DENND2A: variants seen among roughly 807,000 people sequenced by gnomAD.
DENND2A encodes DENN domain-containing protein 2A.
Under a neutral mutation model 105.3 loss-of-function variants are expected in DENND2A, and 53 were observed. That is an observed-to-expected ratio of 0.50 (90% CI 0.40 to 0.63). The LOEUF is 0.63. Ranked by LOEUF, DENND2A falls within the 30% of genes least tolerant of loss-of-function variation. The pLI, the probability that DENND2A is intolerant of heterozygous loss-of-function variation, is 0.00. For synonymous variants in DENND2A, 522 were observed against 508.4 expected, an observed-to-expected ratio of 1.03 and a Z score of -0.36; for missense variants, 1,138 against 1,279.6, an observed-to-expected ratio of 0.89 and a Z score of 1.69.
At chr7:140,600,098 C>G (rs1439860226) in intron 3 of DENND2A, among the ~76,000 whole-genome samples, 1 of 151,878 alleles carries the variant, frequency 6.6e-6, no homozygotes, top group Non-Finnish European at 1.5e-5. Context: ...AGGTTTGTGG[C>G]CTAAGCAACT....
intron 5 of DENND2A, among the ~76,000 whole-genome samples, chr7:140,580,030 A>G (rs1012286337): frequency 6.6e-6 from 1 of 152,096 alleles, no homozygotes. Flanking sequence ...GCTACTTGGG[A>G]AACTGAGACA....
chr7:140,584,830 A>G (rs1053542435), intron 5 of DENND2A, among the ~76,000 whole-genome samples: 1 of 152,114 alleles, frequency 6.6e-6, no homozygotes, highest in Non-Finnish European at 1.5e-5. Flanking sequence ...ATCTTTATAT[A>G]TATGCATGTT....
intron 3 of DENND2A, among the ~76,000 whole-genome samples, chr7:140,597,547 T>C (rs1799328442): frequency 6.6e-6 from 1 of 152,190 alleles, no homozygotes; most frequent in Non-Finnish European, 1.5e-5. Flanking sequence ...GATGAAACCA[T>C]ATTCAAACTG....
intron 5 of DENND2A, among the ~76,000 whole-genome samples, chr7:140,575,282 AT>A (rs767194575): frequency 1.3e-4 from 20 of 152,078 alleles, no homozygotes; most frequent in African/African-American, 4.3e-4. Context: ...TTAAAGAAAC[AT>A]TTTTTTGCTC....
rs1797926971 is a variant in DENND2A at position 140,567,819 on chromosome 7, ACT to A, written c.1592-548_1592-547del. On this transcript the variant is annotated intron_variant, in intron 8 of 19. Coordinates refer to ENST00000496613, the MANE Select transcript of DENND2A (RefSeq NM_015689.5). ...CTGTCCACCTCCCCTCCTGCCACTA[ACT>A]CTGCAATGAAATGGCCTTGCTTCAT... is the stretch of plus-strand genomic sequence containing the variant. Among the ~76,000 whole-genome samples the A allele has an allele frequency of 5.9e-5, 9 of 152,042 alleles. No individual in the cohort carries two copies. The South Asian group carries it at 1.9e-3, about 32-fold the overall frequency.
At chr7:140,616,357 A>G (rs911152929) in intron 1 of DENND2A, among the ~76,000 whole-genome samples, 1 of 152,128 alleles carries the variant, frequency 6.6e-6, no homozygotes, top group African/African-American at 2.4e-5. Flanking sequence ...GCGAGACTCC[A>G]TCACATACAC....
intron 6 of DENND2A, among the ~76,000 whole-genome samples, 197 bp downstream of exon 6, chr7:140,573,611 G>C (rs1395315996): frequency 6.6e-6 from 1 of 152,152 alleles, no homozygotes; most frequent in Non-Finnish European, 1.5e-5. Flanking sequence ...CTAAGAGGAA[G>C]ACCACAGGAC....
At chr7:140,611,038 C>G (rs1563177433) in intron 1 of DENND2A, among the ~76,000 whole-genome samples, 2 of 152,172 alleles carry the variant, frequency 1.3e-5, no homozygotes. Context: ...GATAACAGAG[C>G]ACTGTTATTA....
chr7:140,542,402 C>T (rs557570366), intron 14 of DENND2A, among the ~76,000 whole-genome samples: 1 of 152,146 alleles, frequency 6.6e-6, no homozygotes, highest in East Asian at 1.9e-4. Context: ...TTTGCTTTAA[C>T]GGTGAGGAGG....
At chr7:140,594,683 G>A (rs1799211994) in intron 3 of DENND2A, among the ~76,000 whole-genome samples, 4 of 152,156 alleles carry the variant, frequency 2.6e-5, no homozygotes, top group Non-Finnish European at 5.9e-5. Context: ...CACTCGATAG[G>A]TGCGTGGTAA....
chr7:140,594,371 C>T (rs1799196549), intron 3 of DENND2A, among the ~76,000 whole-genome samples: 1 of 152,242 alleles, frequency 6.6e-6, no homozygotes. Flanking sequence ...TCCTGCCTTG[C>T]AGTTCCTCTG....
At chr7:140,521,806 T>C (rs766522127) in intron 18 of DENND2A, 49 bp downstream of exon 18, 4 of 1,604,690 alleles carry the variant, frequency 2.5e-6, no homozygotes, top group South Asian at 2.2e-5. Flanking sequence ...CCGCCTGGAA[T>C]ATAGGGAGCT....
intron 9 of DENND2A, among the ~76,000 whole-genome samples, chr7:140,565,602 G>T (rs1223233447): frequency 6.6e-6 from 1 of 151,910 alleles, no homozygotes; most frequent in Non-Finnish European, 1.5e-5. Flanking sequence ...TTTATTTTAG[G>T]TGCCATGATT....
chr7:140,637,675 A>C (rs74536511), intron 1 of DENND2A, among the ~76,000 whole-genome samples: 3 of 152,028 alleles, frequency 2.0e-5, no homozygotes, highest in Non-Finnish European at 4.4e-5. Context: ...TGCCCATATG[A>C]ATGGAATCCT....
intron 7 of DENND2A, 102 bp from the exon 8 acceptor site, chr7:140,568,915 G>T: frequency 8.1e-7 from 1 of 1,238,334 alleles, no homozygotes; most frequent in Non-Finnish European, 1.2e-6. Flanking sequence ...AATTCAGAGG[G>T]GATGTTGAGT....
Position 140,601,785 on chromosome 7 carries a change from G to A in DENND2A, c.613C>T (p.Leu205=). The stretch of plus-strand genomic sequence containing the variant: ...ACTTCTGAGCCACTCCCGCCTCCCA[G>A]GTTCTCAGGAAGGGTGGACCCTGCC... ...AEAGSTLPEN[L]GGGSGSEVSQ... The change falls in exon 3 of 20, where the codon CTG becomes TTG. Residue 205 remains leucine, a synonymous_variant. Transcript: ENST00000496613. 1.2e-6 allele frequency: 2 copies of A among 1,614,128 alleles called. No individual in the cohort carries two copies. The highest frequency in any genetic ancestry group is 1.7e-6 in the Non-Finnish European group (2 of 1,180,016).
At chr7:140,534,319 A>T (rs1374870909) in intron 14 of DENND2A, among the ~76,000 whole-genome samples, 1 of 150,960 alleles carries the variant, frequency 6.6e-6, no homozygotes, top group African/African-American at 2.4e-5. Context: ...TCTTGACCTC[A>T]TGATCTGCCC....
At chr7:140,584,758 C>A (rs181161540) in intron 5 of DENND2A, among the ~76,000 whole-genome samples, 2 of 152,208 alleles carry the variant, frequency 1.3e-5, no homozygotes, top group African/African-American at 4.8e-5. Context: ...TCACCTCCAA[C>A]ATTGGGGATG....
intron 4 of DENND2A, 105 bp downstream of exon 4, chr7:140,587,548 G>T (rs1011457466): frequency 1.3e-5 from 19 of 1,456,084 alleles, no homozygotes; most frequent in Non-Finnish European, 1.6e-5. Flanking sequence ...AAGTGTGTGT[G>T]TGTGTACATG....
Sources: gnomAD v4.1 joint callset for allele counts (sites outside exome capture counted in the v4.1 genomes callset) on GRCh38, gnomAD v4.1.1 for gene constraint, MANE v1.5 for transcripts, NCBI Gene and HGNC (gene_info 2026-07-23, HGNC 2026-07-21) for gene names.